CNTNAP2: variants seen among roughly 807,000 people sequenced by gnomAD.
CNTNAP2 encodes contactin associated protein 2.
A neutral mutation model predicts 155.2 loss-of-function variants in CNTNAP2; 98 were observed. The observed-to-expected ratio is 0.63, with a 90% CI of 0.54 to 0.75. CNTNAP2 has a LOEUF of 0.75. Among genes scored for constraint, CNTNAP2 ranks in the 30% least tolerant of loss-of-function variants. The pLI is 0.00. For synonymous variants in CNTNAP2, 651 were observed against 631.2 expected, an observed-to-expected ratio of 1.03 and a Z score of -0.47; for missense variants, 1,727 against 1,688.1, an observed-to-expected ratio of 1.02 and a Z score of -0.40.
intron 15 of CNTNAP2, among the ~76,000 whole-genome samples, chr7:148,041,806 G>T (rs1473501759): frequency 6.6e-6 from 1 of 152,054 alleles, no homozygotes; most frequent in Non-Finnish European, 1.5e-5. Context: ...TTTCGACCTG[G>T]CATTATGGTA....
chr7:146,630,092 C>T (rs1799486281), intron 1 of CNTNAP2, among the ~76,000 whole-genome samples: 1 of 151,786 alleles, frequency 6.6e-6, no homozygotes, highest in South Asian at 2.1e-4. Flanking sequence ...GTTTTAAGCC[C>T]TGTGTGCATT....
At chr7:146,734,354 G>T (rs1347691176) in intron 1 of CNTNAP2, among the ~76,000 whole-genome samples, 3 of 152,090 alleles carry the variant, frequency 2.0e-5, no homozygotes, top group Non-Finnish European at 4.4e-5. Context: ...CACCTAATGG[G>T]AGTGACTGAG....
At chr7:148,229,421 A>G (rs1261758500) in intron 19 of CNTNAP2, among the ~76,000 whole-genome samples, 1 of 152,154 alleles carries the variant, frequency 6.6e-6, no homozygotes, top group Non-Finnish European at 1.5e-5. Flanking sequence ...GCTACTCAGG[A>G]AGCTGAGGCA....
intron 3 of CNTNAP2, among the ~76,000 whole-genome samples, chr7:146,855,123 C>T (rs1418083730): frequency 6.6e-6 from 1 of 151,890 alleles, no homozygotes; most frequent in Non-Finnish European, 1.5e-5. Flanking sequence ...CAAATTAATC[C>T]TCTATGGGGA....
At chr7:146,398,446 G>C (rs1718082) in intron 1 of CNTNAP2, among the ~76,000 whole-genome samples, 25,408 of 151,866 alleles carry the variant, frequency 0.17, 3,552 homozygotes, top group African/African-American at 0.38. Flanking sequence ...GAATAGCGTG[G>C]AGGAAATCCC....
At chr7:146,758,307 G>A (rs1208024027) in intron 1 of CNTNAP2, among the ~76,000 whole-genome samples, 2 of 152,052 alleles carry the variant, frequency 1.3e-5, no homozygotes, top group Non-Finnish European at 2.9e-5. Flanking sequence ...TTTAAATTGT[G>A]AAAATCTCTA....
At chr7:147,706,093 T>C (rs1446879971) in intron 13 of CNTNAP2, among the ~76,000 whole-genome samples, 2 of 152,048 alleles carry the variant, frequency 1.3e-5, no homozygotes, top group Non-Finnish European at 2.9e-5. Context: ...TCTTGTTAAT[T>C]GGTTTCTAGT....
At chr7:147,999,447 A>G (rs961617870) in intron 15 of CNTNAP2, among the ~76,000 whole-genome samples, 3 of 152,226 alleles carry the variant, frequency 2.0e-5, no homozygotes, top group African/African-American at 7.2e-5. Flanking sequence ...TTGTGTAAGA[A>G]TGCTTGGAAA....
chr7:148,096,607 AG>A (rs1318628929), intron 15 of CNTNAP2, among the ~76,000 whole-genome samples: 1 of 152,118 alleles, frequency 6.6e-6, no homozygotes, highest in Non-Finnish European at 1.5e-5. Context: ...GGGTGAATAG[AG>A]GTAAAGCAGG....
At chr7:147,681,853 A>G (rs1795951601) in intron 13 of CNTNAP2, among the ~76,000 whole-genome samples, 1 of 151,830 alleles carries the variant, frequency 6.6e-6, no homozygotes, top group South Asian at 2.1e-4. Flanking sequence ...AACATGGCAT[A>G]TATGGGACTT....
rs1272754325 is a variant in CNTNAP2, at chr7:147,191,942, T to C, written c.1348+59433T>C. 3.3e-5 allele frequency among the ~76,000 whole-genome samples: 5 copies of C among 152,228 alleles called. No homozygotes were observed. The East Asian group carries it at 9.6e-4, about 29-fold the overall frequency. Reference sequence around the variant, plus strand: ...ATTCTGTCCTGTCCTGTTTGTAAGCTACGCTGCCAAAAATGAGTGCCAACA... The same window carrying C: ...ATTCTGTCCTGTCCTGTTTGTAAGCCACGCTGCCAAAAATGAGTGCCAACA... On this transcript the variant is annotated intron_variant, in intron 8 of 23. Transcript: ENST00000361727.
At chr7:146,657,407 G>C (rs1800013547) in intron 1 of CNTNAP2, among the ~76,000 whole-genome samples, 1 of 152,162 alleles carries the variant, frequency 6.6e-6, no homozygotes, top group South Asian at 2.1e-4. Context: ...TGAGAGAAAA[G>C]GCCTGGGTTT....
intron 1 of CNTNAP2, among the ~76,000 whole-genome samples, chr7:146,579,078 T>C (rs1405762571): frequency 6.6e-6 from 1 of 152,178 alleles, no homozygotes; most frequent in Non-Finnish European, 1.5e-5. Context: ...AAAAAAGGTC[T>C]GTCCATAGTG....
At chr7:146,803,708 A>G (rs1313842107) in intron 2 of CNTNAP2, among the ~76,000 whole-genome samples, 1 of 152,252 alleles carries the variant, frequency 6.6e-6, no homozygotes, top group African/African-American at 2.4e-5. Flanking sequence ...TATTAAAAGA[A>G]TTGTAAAAGT....
At chr7:148,137,038 T>A (rs146978813) in intron 16 of CNTNAP2, among the ~76,000 whole-genome samples, 1 of 152,168 alleles carries the variant, frequency 6.6e-6, no homozygotes, top group African/African-American at 2.4e-5. Context: ...GACACAACCA[T>A]AAGGGATGCT....
chr7:147,627,202 A>C (rs1003307024), intron 12 of CNTNAP2, among the ~76,000 whole-genome samples: 1 of 152,202 alleles, frequency 6.6e-6, no homozygotes, highest in African/African-American at 2.4e-5. Context: ...CACTGAAATA[A>C]TCTACGCAAA....
At chr7:146,820,471 C>T (rs10244348) in intron 2 of CNTNAP2, among the ~76,000 whole-genome samples, 3,817 of 152,062 alleles carry the variant, frequency 0.025, 113 homozygotes, top group African/African-American at 0.072. Flanking sequence ...TGTAGTTGAG[C>T]GGTTTTGAGT....
intron 9 of CNTNAP2, among the ~76,000 whole-genome samples, chr7:147,388,157 A>C (rs114792541): frequency 6.6e-6 from 1 of 151,864 alleles, no homozygotes; most frequent in Admixed American, 6.6e-5. Flanking sequence ...TTGATACTCA[A>C]ATTATTTATT....
chr7:146,880,574 C>T (rs112052825), intron 3 of CNTNAP2, among the ~76,000 whole-genome samples: 2 of 152,096 alleles, frequency 1.3e-5, no homozygotes, highest in African/African-American at 4.8e-5. Flanking sequence ...AATATGAACC[C>T]AGAGGCCACA....
Sources: gnomAD v4.1 joint callset for allele counts (sites outside exome capture counted in the v4.1 genomes callset) on GRCh38, gnomAD v4.1.1 for gene constraint, MANE v1.5 for transcripts, NCBI Gene and HGNC (gene_info 2026-07-23, HGNC 2026-07-21) for gene names.